The following RUBCNL variants were observed in gnomAD, a reference collection of about 807,000 sequenced individuals.
RUBCNL encodes the protein rubicon like autophagy enhancer, also known as protein associated with UVRAG as autophagy enhancer.
RUBCNL carries 62 observed loss-of-function variants against 69.5 expected under a neutral mutation model. The ratio of observed to expected loss-of-function variants is 0.89; its 90% CI spans 0.73 to 1.10. The LOEUF (loss-of-function observed/expected upper bound fraction) is 1.10. Ranked by LOEUF, RUBCNL falls within the 50% of genes least tolerant of loss-of-function variation. The pLI is 0.00. For synonymous variants in RUBCNL, 291 were observed against 303.6 expected, an observed-to-expected ratio of 0.96 and a Z score of 0.43; for missense variants, 768 against 798.1, an observed-to-expected ratio of 0.96 and a Z score of 0.45.
chr13:46,358,224 T>C (rs1330340412), intron 9 of RUBCNL, among the ~76,000 whole-genome samples: 1 of 152,202 alleles, frequency 6.6e-6, no homozygotes, highest in Non-Finnish European at 1.5e-5. Context: ...AAAGATCTAG[T>C]CTATAAGGCA....
In RUBCNL at chr13:46,354,531, C is replaced by T. The variant is rs573973279; in HGVS notation, c.1330+1901G>A. Among the ~76,000 whole-genome samples, 199 of 152,346 alleles carry T rather than the reference C, an allele frequency of 1.3e-3. 1 individual carries two copies. The highest frequency in any genetic ancestry group is 4.2e-3 in the African/African-American group (174 of 41,584). ...CTGTCTACAATCTGGGCCCCGCCTACATCTGCAGCATGTTTTCTCCTCCTA... is the reference window on the plus strand; with the variant it reads ...CTGTCTACAATCTGGGCCCCGCCTATATCTGCAGCATGTTTTCTCCTCCTA... On this transcript the variant is annotated intron_variant, in intron 10 of 14. Coordinates refer to ENST00000429979, the MANE Select transcript of RUBCNL (RefSeq NM_025113.5).
At chr13:46,358,336 T>C (rs1367507565) in intron 9 of RUBCNL, among the ~76,000 whole-genome samples, 4 of 152,242 alleles carry the variant, frequency 2.6e-5, no homozygotes, top group Admixed American at 1.3e-4. Context: ...CCAAATTGAA[T>C]ACAAACCAAG....
intron 12 of RUBCNL, among the ~76,000 whole-genome samples, chr13:46,347,937 G>C (rs189369613): frequency 4.1e-4 from 63 of 152,194 alleles, no homozygotes; most frequent in Admixed American, 3.5e-3. Context: ...AGCTTGCAGT[G>C]AGCCGAGATC....
At chr13:46,345,335 A>G in intron 13 of RUBCNL, 112 bp downstream of exon 13, 2 of 1,278,668 alleles carry the variant, frequency 1.6e-6, no homozygotes, top group Non-Finnish European at 1.1e-6. Flanking sequence ...ATCTCTAACT[A>G]GGTCACCGGC....
chr13:46,383,553 T>C (rs1236823342), intron 1 of RUBCNL, among the ~76,000 whole-genome samples: 37 of 152,198 alleles, frequency 2.4e-4, no homozygotes, highest in Admixed American at 2.4e-3. Flanking sequence ...TATGCCTTGA[T>C]TAGGTCAGAA....
At chr13:46,357,745 T>C (rs2048523178) in intron 9 of RUBCNL, among the ~76,000 whole-genome samples, 1 of 151,514 alleles carries the variant, frequency 6.6e-6, no homozygotes, top group East Asian at 2.0e-4. Flanking sequence ...TTCTCCTGCC[T>C]CAGCCTCCCA....
At chr13:46,386,807 T>C (rs2049258423) in intron 1 of RUBCNL, among the ~76,000 whole-genome samples, 1 of 152,066 alleles carries the variant, frequency 6.6e-6, no homozygotes. Context: ...GGCTTTGTAG[T>C]CTCTGAGAAT....
rs2048125696 is a variant in RUBCNL, at chr13:46,339,418, A to G, written c.*3967T>C. 6.6e-6 allele frequency among the ~76,000 whole-genome samples: 1 copy of G among 152,206 alleles called. No homozygotes were observed. Among genetic ancestry groups the G allele is most frequent in the African/African-American group, 2.4e-5 (1 of 41,458 alleles). ...GAGTTCAGGAAGGCTTCCTGCAGGT[A>G]GCATCTGACGGTGGCTAAGCCAGCC... is the stretch of plus-strand genomic sequence containing the variant. On this transcript the variant is annotated 3_prime_UTR_variant, in exon 15 of 15. Transcript: ENST00000429979.
rs1314677683 is a variant in RUBCNL, at chr13:46,342,122, T to C, written c.*1263A>G. 1.3e-5 allele frequency: 2 copies of C among 152,228 alleles called. No individual in the cohort carries two copies. The highest frequency in any genetic ancestry group is 2.9e-5 in the Non-Finnish European group (2 of 68,042). The allele number at this position is 152,228 out of a possible 1,614,324, so 9.4% of individuals were successfully genotyped here. On this transcript the variant is annotated 3_prime_UTR_variant, in exon 15 of 15. Transcript: ENST00000429979. ...AGAGGCACTGCGGATGAGAAAACAA[T>C]TGACAGAATGAGAAGACTGAATGAA...
intron 8 of RUBCNL, among the ~76,000 whole-genome samples, chr13:46,361,133 G>A (rs987893856): frequency 6.6e-6 from 1 of 152,196 alleles, no homozygotes; most frequent in African/African-American, 2.4e-5. Flanking sequence ...GCTGAGGCAG[G>A]AGAATCGCTT....
chr13:46,357,890 C>CAA (rs1316488149), intron 9 of RUBCNL, among the ~76,000 whole-genome samples: 1 of 152,170 alleles, frequency 6.6e-6, no homozygotes, highest in Admixed American at 6.5e-5. Context: ...CTCGGCCTCC[C>CAA]AAAGTGCTGA....
chr13:46,378,944 C>A (rs2049059164), intron 1 of RUBCNL, among the ~76,000 whole-genome samples: 1 of 152,156 alleles, frequency 6.6e-6, no homozygotes, highest in African/African-American at 2.4e-5. Context: ...TCCTTGGTCA[C>A]CCTATAAAAA....
rs994460689 is a variant in RUBCNL, at chr13:46,341,356, C to T, written c.*2029G>A. 3.3e-5 allele frequency among the ~76,000 whole-genome samples: 5 copies of T among 152,174 alleles called. No individual in the cohort carries two copies. The highest frequency in any genetic ancestry group is 1.2e-4 in the African/African-American group (5 of 41,436). On this transcript the variant is annotated 3_prime_UTR_variant, in exon 15 of 15. Transcript: ENST00000429979. The stretch of plus-strand genomic sequence containing the variant: ...TATATATGCCACAACTAATTACTTC[C>T]TTATGGGGTGCTCCATGTGGGCTGA...
Position 46,362,935 on chromosome 13 carries a change from T to TATAG in RUBCNL, c.925+176_925+179dup, listed in dbSNP as rs199809397. Among the ~76,000 whole-genome samples, 56 of 47,508 alleles carry TATAG rather than the reference T, an allele frequency of 1.2e-3. 2 individuals are homozygous for TATAG. Among genetic ancestry groups the TATAG allele is most frequent in the African/African-American group, 1.4e-3 (6 of 4,178 alleles). The allele number at this position is 47,508 out of a possible 152,430, so 31.2% of individuals were successfully genotyped here. A position where few individuals can be genotyped will look rare whatever the true frequency, so the allele number is the denominator to read the frequency against. On this transcript the variant is annotated intron_variant, in intron 6 of 14. Coordinates refer to ENST00000429979, the MANE Select transcript of RUBCNL (RefSeq NM_025113.5). Reference sequence around the variant, plus strand: ...GAAACAAGAACATCATATATATATATATAGATATATATATATATATATATA... The same window carrying TATAG: ...GAAACAAGAACATCATATATATATATATAGATAGATATATATATATATATATATA...
rs764458781 is a variant in RUBCNL, at chr13:46,335,260, G to GTTTTTTTT, written c.*8117_*8124dup. On this transcript the variant is annotated 3_prime_UTR_variant, in exon 15 of 15. Coordinates refer to ENST00000429979, the MANE Select transcript of RUBCNL (RefSeq NM_025113.5). ...GTGTCTTTTTGTTGTTGTTGTTGTT[G>GTTTTTTTT]TTTTTTTTTTTTTTTTTTTTTTTTT... Among the ~76,000 whole-genome samples, 3 of 101,904 alleles carry GTTTTTTTT rather than the reference G, an allele frequency of 2.9e-5. No homozygotes were observed. The highest frequency in any genetic ancestry group is 5.6e-5 in the Non-Finnish European group (3 of 53,466). 66.9% of individuals were successfully genotyped at this position (101,904 alleles called of 152,430 possible). A position where few individuals can be genotyped will look rare whatever the true frequency, so the allele number is the denominator to read the frequency against.
intron 5 of RUBCNL, 45 bp downstream of exon 5, chr13:46,367,997 T>C (rs1167781652): frequency 6.4e-6 from 10 of 1,560,052 alleles, no homozygotes; most frequent in South Asian, 2.2e-5. Context: ...AGGAGATATA[T>C]GTGAAACACA....
In RUBCNL at chr13:46,356,531, A is replaced by C. The variant is rs753923746; in HGVS notation, c.1266-35T>G. On this transcript the variant is annotated intron_variant, in intron 9 of 14. Transcript: ENST00000429979. ...AAAAATAATACTAGTTACATTTCAG[A>C]GAAGGCCAATGGCACATTTTTCACT... 4.4e-6 allele frequency: 7 copies of C among 1,587,508 alleles called. No homozygotes were observed. The East Asian group carries it at 1.3e-4, about 30-fold the overall frequency.
chr13:46,357,004 C>T (rs1177730242), intron 9 of RUBCNL, among the ~76,000 whole-genome samples: 2 of 149,190 alleles, frequency 1.3e-5, no homozygotes, highest in African/African-American at 2.4e-5. Context: ...GCTGGAATTA[C>T]AGGCATGAGC....
intron 1 of RUBCNL, among the ~76,000 whole-genome samples, chr13:46,382,331 G>A (rs2049136126): frequency 6.6e-6 from 1 of 151,968 alleles, no homozygotes; most frequent in Admixed American, 6.6e-5. Context: ...AGGAGAAGTA[G>A]AGAGTAGATA....
Sources: allele counts gnomAD v4.1 joint callset (sites outside exome capture counted in the v4.1 genomes callset), GRCh38; gene constraint gnomAD v4.1.1; transcripts MANE v1.5; gene names NCBI Gene and HGNC (gene_info 2026-07-23, HGNC 2026-07-21).